Variants in EPHB1 observed in about 807,000 individuals in gnomAD.
EPHB1 encodes ephrin type-B receptor 1.
EPHB1 carries 30 observed loss-of-function variants against 94.4 expected under a neutral mutation model. The observed-to-expected ratio is 0.32, with a 90% CI of 0.24 to 0.43. The LOEUF (loss-of-function observed/expected upper bound fraction) is 0.43, where lower values mean the gene tolerates loss of function less well. Ranked by LOEUF, EPHB1 falls within the 20% of genes least tolerant of loss-of-function variation. EPHB1 has a pLI of 1.00. For missense variants in EPHB1, 1,055 were observed against 1,308.3 expected (o/e 0.81, Z 2.99); for synonymous variants, 522 against 489.1 (o/e 1.07, Z -0.89).
At chr3:135,002,116 A>G (rs917027590) in intron 3 of EPHB1, among the ~76,000 whole-genome samples, 1 of 152,246 alleles carries the variant, frequency 6.6e-6, no homozygotes, top group East Asian at 1.9e-4. Context: ...ATGTTGATGT[A>G]TGCTGTAATA....
intron 3 of EPHB1, among the ~76,000 whole-genome samples, chr3:135,010,586 A>T (rs1406158232): frequency 8.1e-6 from 1 of 123,232 alleles, no homozygotes; most frequent in African/African-American, 3.2e-5. Flanking sequence ...TTTTTTACGC[A>T]GAGTTTCACT....
At chr3:135,131,032 GA>G (rs2107686527) in intron 4 of EPHB1, among the ~76,000 whole-genome samples, 1 of 152,326 alleles carries the variant, frequency 6.6e-6, no homozygotes, top group South Asian at 2.1e-4. Context: ...AGCCCTGTAA[GA>G]GCCTACCTGG....
chr3:134,854,994 C>G (rs1192153224), intron 1 of EPHB1, among the ~76,000 whole-genome samples: 1 of 152,192 alleles, frequency 6.6e-6, no homozygotes, highest in Non-Finnish European at 1.5e-5. Context: ...TTACCTGTCT[C>G]TCCTATACAT....
rs550322693 is a variant in EPHB1 at position 135,188,216 on chromosome 3, G to A, written c.1883-4360G>A. On this transcript the variant is annotated intron_variant, in intron 10 of 15. Transcript: ENST00000398015. ...TGTCTAAAAAAATAAATAAATAAAG[G>A]CCAGGAGTGATGGTTCACACCTGTA... Among the ~76,000 whole-genome samples, 399 of 150,142 alleles carry A rather than the reference G, an allele frequency of 2.7e-3. 6 individuals are homozygous for A. In the South Asian group the frequency reaches 0.03, roughly 11 times the overall value.
chr3:135,090,967 A>G (rs978075319), intron 3 of EPHB1, among the ~76,000 whole-genome samples: 9 of 152,246 alleles, frequency 5.9e-5, no homozygotes, highest in African/African-American at 1.9e-4. Flanking sequence ...GGGTTTCTGT[A>G]AAGGTCACAG....
intron 15 of EPHB1, among the ~76,000 whole-genome samples, chr3:135,249,871 T>C (rs1559891761): frequency 1.3e-5 from 2 of 152,126 alleles, no homozygotes. Flanking sequence ...AGCAACAGTC[T>C]GAGATATGTG....
At chr3:134,920,353 G>A (rs749669544) in intron 1 of EPHB1, among the ~76,000 whole-genome samples, 21 of 152,142 alleles carry the variant, frequency 1.4e-4, no homozygotes, top group Non-Finnish European at 2.2e-4. Flanking sequence ...TTGCATTTAC[G>A]TAATAGCAGC....
intron 12 of EPHB1, 26 bp downstream of exon 12, chr3:135,201,715 T>C: frequency 1.2e-6 from 2 of 1,604,262 alleles, no homozygotes; most frequent in Non-Finnish European, 1.7e-6. Flanking sequence ...CATTCTCAAG[T>C]AGAAGCATGG....
intron 4 of EPHB1, among the ~76,000 whole-genome samples, chr3:135,122,017 G>T (rs1939985304): frequency 1.3e-5 from 2 of 152,176 alleles, no homozygotes; most frequent in South Asian, 2.1e-4. Context: ...GTAGCACAAT[G>T]CCTGGCCATC....
intron 7 of EPHB1, 60 bp from the exon 8 acceptor site, chr3:135,165,908 G>T: frequency 8.2e-7 from 1 of 1,216,344 alleles, no homozygotes; most frequent in South Asian, 1.2e-5. Context: ...ATTGTGCACT[G>T]AGTATCAGCT....
intron 3 of EPHB1, among the ~76,000 whole-genome samples, chr3:134,972,423 A>G (rs1934008125): frequency 6.9e-6 from 1 of 145,972 alleles, no homozygotes. Context: ...TATATAACAT[A>G]TAAAAGAGGT....
intron 4 of EPHB1, among the ~76,000 whole-genome samples, chr3:135,113,736 T>C (rs1939561262): frequency 6.6e-6 from 1 of 152,200 alleles, no homozygotes; most frequent in African/African-American, 2.4e-5. Flanking sequence ...TTTTAATGCT[T>C]AAGGACAATG....
intron 4 of EPHB1, among the ~76,000 whole-genome samples, chr3:135,111,268 T>C (rs1468302629): frequency 6.6e-6 from 1 of 152,186 alleles, no homozygotes. Context: ...TTAAAAATTC[T>C]CAGCCCCAAC....
chr3:134,881,743 G>T (rs2037734851), intron 1 of EPHB1, among the ~76,000 whole-genome samples: 1 of 152,238 alleles, frequency 6.6e-6, no homozygotes, highest in African/African-American at 2.4e-5. Context: ...GAACCTCTTA[G>T]ACTACATCAG....
Position 134,797,561 on chromosome 3 carries a change from A to C in EPHB1, c.58+1872A>C, listed in dbSNP as rs1197603755. Among the ~76,000 whole-genome samples the C allele has an allele frequency of 3.9e-5, 6 of 152,182 alleles. No homozygotes were observed. In the East Asian group the frequency reaches 1.2e-3, roughly 29 times the overall value. On this transcript the variant is annotated intron_variant, in intron 1 of 15. Transcript: ENST00000398015. ...TGCTCTCGGCATTGGGTTCCTGTGC[A>C]TGCAAGCGAAGTAGTTTGGAGAGCA...
At chr3:135,095,530 A>G (rs1938724861) in intron 3 of EPHB1, among the ~76,000 whole-genome samples, 1 of 152,100 alleles carries the variant, frequency 6.6e-6, no homozygotes, top group South Asian at 2.1e-4. Context: ...TCCTTTAGAA[A>G]CAAAATCTGA....
At chr3:135,218,352 G>T (rs1412828019) in intron 12 of EPHB1, among the ~76,000 whole-genome samples, 3 of 152,172 alleles carry the variant, frequency 2.0e-5, no homozygotes, top group Non-Finnish European at 4.4e-5. Context: ...GGGTCACTTT[G>T]TTACCAATGC....
intron 1 of EPHB1, among the ~76,000 whole-genome samples, chr3:134,820,534 G>T (rs1181043743): frequency 6.6e-6 from 1 of 152,178 alleles, no homozygotes; most frequent in Non-Finnish European, 1.5e-5. Context: ...GCCTCCAGAG[G>T]CTGGGCCCTC....
rs568515896 is a variant in EPHB1 at position 135,259,713 on chromosome 3, T to C, written c.*593T>C. The stretch of plus-strand genomic sequence containing the variant: ...ATGGGGATCCAACCAATTCAATTAA[T>C]GTCTTCATATTGAAGAAGAGATGTA... On this transcript the variant is annotated 3_prime_UTR_variant, in exon 16 of 16. Transcript: ENST00000398015. 4.9e-6 allele frequency: 1 copy of C among 202,928 alleles called. No individual in the cohort carries two copies. The highest frequency in any genetic ancestry group is 2.3e-5 in the African/African-American group (1 of 43,676). The allele number at this position is 202,928 out of a possible 1,614,324, so 12.6% of individuals were successfully genotyped here.
Sources: gnomAD v4.1 joint callset for allele counts (sites outside exome capture counted in the v4.1 genomes callset) on GRCh38, gnomAD v4.1.1 for gene constraint, MANE v1.5 for transcripts, NCBI Gene and HGNC (gene_info 2026-07-23, HGNC 2026-07-21) for gene names.